The following ADAM22 variants were observed in gnomAD, a reference collection of about 807,000 sequenced individuals.
ADAM22 encodes the protein ADAM metallopeptidase domain 22.
Under a neutral mutation model 144.6 loss-of-function variants are expected in ADAM22, and 65 were observed. That is an observed-to-expected ratio of 0.45 (90% CI 0.37 to 0.55). ADAM22 has a LOEUF of 0.55. ADAM22 is among the 20% of genes least tolerant of loss of function. The pLI is 0.00. For synonymous variants in ADAM22, 391 were observed against 412.6 expected, an observed-to-expected ratio of 0.95 and a Z score of 0.63; for missense variants, 974 against 1,184.9, an observed-to-expected ratio of 0.82 and a Z score of 2.61.
At chr7:88,156,477 A>G (rs1839982561) in intron 22 of ADAM22, among the ~76,000 whole-genome samples, 2 of 152,170 alleles carry the variant, frequency 1.3e-5, no homozygotes, top group Non-Finnish European at 2.9e-5. Flanking sequence ...CACATGACTT[A>G]TCAAAGCTGA....
chr7:87,985,667 T>C (rs926527754), intron 3 of ADAM22, among the ~76,000 whole-genome samples: 3 of 152,204 alleles, frequency 2.0e-5, no homozygotes, highest in Admixed American at 1.3e-4. Context: ...TAAATATTAT[T>C]GCATTGTATT....
At chr7:88,087,878 A>G (rs1442909043) in intron 4 of ADAM22, among the ~76,000 whole-genome samples, 2 of 152,168 alleles carry the variant, frequency 1.3e-5, no homozygotes, top group African/African-American at 4.8e-5. Context: ...TTGACTGGTA[A>G]TTAACTGTTT....
intron 3 of ADAM22, among the ~76,000 whole-genome samples, chr7:88,061,377 C>G (rs1236902520): frequency 6.6e-6 from 1 of 151,968 alleles, no homozygotes; most frequent in African/African-American, 2.4e-5. Context: ...TTACTTTGCC[C>G]AGATCCATCA....
intron 2 of ADAM22, among the ~76,000 whole-genome samples, chr7:87,966,732 T>G (rs901998621): frequency 1.5e-5 from 2 of 130,228 alleles, no homozygotes; most frequent in South Asian, 2.6e-4. Flanking sequence ...TTTTTTTTTT[T>G]TTTTTTTTTT....
intron 7 of ADAM22, among the ~76,000 whole-genome samples, chr7:88,119,422 A>G (rs1828666874): frequency 6.6e-6 from 1 of 152,206 alleles, no homozygotes; most frequent in Admixed American, 6.5e-5. Flanking sequence ...TGTGAGGTTT[A>G]TGTTGTCAAG....
chr7:88,061,336 A>G (rs1809794954), intron 3 of ADAM22, among the ~76,000 whole-genome samples: 1 of 152,170 alleles, frequency 6.6e-6, no homozygotes, highest in Non-Finnish European at 1.5e-5. Flanking sequence ...GATGTTCTTA[A>G]TGGCATCTAG....
At chr7:88,049,836 G>T (rs1190342763) in intron 3 of ADAM22, among the ~76,000 whole-genome samples, 1 of 149,334 alleles carries the variant, frequency 6.7e-6, no homozygotes, top group Non-Finnish European at 1.5e-5. Context: ...TTTTTGGTCA[G>T]CAGATGTTAT....
chr7:88,037,720 T>C (rs1227016900), intron 3 of ADAM22, among the ~76,000 whole-genome samples: 3 of 152,282 alleles, frequency 2.0e-5, no homozygotes, highest in Admixed American at 1.3e-4. Context: ...ATCCTCACCA[T>C]CTTTCCCTTC....
At chr7:88,108,627 G>T (rs1482206450) in intron 5 of ADAM22, among the ~76,000 whole-genome samples, 1 of 152,010 alleles carries the variant, frequency 6.6e-6, no homozygotes, top group Non-Finnish European at 1.5e-5. Flanking sequence ...TACTCGGGAG[G>T]CTGAGGCAGG....
At chr7:88,058,359 T>G (rs1808846735) in intron 3 of ADAM22, among the ~76,000 whole-genome samples, 1 of 152,228 alleles carries the variant, frequency 6.6e-6, no homozygotes, top group Non-Finnish European at 1.5e-5. Context: ...TTTATTTTGT[T>G]TCACATCTAT....
chr7:88,060,261 G>A (rs938663426), intron 3 of ADAM22, among the ~76,000 whole-genome samples: 10 of 152,094 alleles, frequency 6.6e-5, no homozygotes, highest in African/African-American at 2.2e-4. Flanking sequence ...TAACAATTAA[G>A]TTTGCTGCAT....
rs966292793 is a variant in ADAM22 at position 87,934,522 on chromosome 7, C to T, written c.57C>T (p.Thr19=). 1.2e-6 allele frequency: 2 copies of T among 1,609,062 alleles called. No homozygotes were observed. Among genetic ancestry groups the T allele is most frequent in the African/African-American group, 1.3e-5 (1 of 74,962 alleles). Residue 19 remains threonine, a synonymous_variant, in exon 1 of 32, where the codon ACC becomes ACT. Coordinates refer to ENST00000413139, the MANE Select transcript of ADAM22 (RefSeq NM_001324418.2). ...TCTTGCTGCTCTGTGTCCTGGGGAC[C>T]TGCCCTCCGGCGCGCTGCGGCCAGG... ...VPFLLLCVLG[T]CPPARCGQAG...
At chr7:88,174,465 T>C (rs758531623) in intron 26 of ADAM22, among the ~76,000 whole-genome samples, 7 of 152,168 alleles carry the variant, frequency 4.6e-5, no homozygotes, top group Non-Finnish European at 8.8e-5. Context: ...TATCCTTTCA[T>C]TTAAAATATT....
chr7:88,132,933 A>T lies in ADAM22; in HGVS notation c.1059A>T (p.Lys353Asn). Residue 353 changes from lysine to asparagine, a missense_variant, in exon 12 of 32, where the codon AAA (lysine) becomes AAT (asparagine). Lys to Asn is a moderately conservative substitution (Grantham distance 94, BLOSUM62 0). Around this residue, in one of 2 missense-constraint regions of ADAM22, gnomAD observed 734 missense variants for 950.6 expected, o/e 0.77. Transcript: ENST00000413139. ...TTGGTGGGATTTGCTCGTTGCTGAA[A>T]GGAGGAGGCGTGAATGAAGTAGGTG... ...AYIGGICSLL[K>N]GGGVNEFGKT... 1 of 1,614,024 alleles carries T rather than the reference A, an allele frequency of 6.2e-7. No individual in the cohort carries two copies. The highest frequency in any genetic ancestry group is 8.5e-7 in the Non-Finnish European group (1 of 1,179,928).
chr7:87,955,386 T>C (rs1421321029), intron 2 of ADAM22, among the ~76,000 whole-genome samples: 1 of 152,214 alleles, frequency 6.6e-6, no homozygotes, highest in Non-Finnish European at 1.5e-5. Flanking sequence ...TGTTGGAGTT[T>C]GCTAGAGGTC....
chr7:88,052,788 G>A (rs1806869161), intron 3 of ADAM22, among the ~76,000 whole-genome samples: 1 of 152,122 alleles, frequency 6.6e-6, no homozygotes, highest in Admixed American at 6.5e-5. Context: ...TATCCTGTTT[G>A]CCTTAAATTC....
At chr7:88,086,212 C>A (rs1818422650) in intron 4 of ADAM22, among the ~76,000 whole-genome samples, 1 of 152,128 alleles carries the variant, frequency 6.6e-6, no homozygotes, top group Non-Finnish European at 1.5e-5. Context: ...TAAAAATTAT[C>A]TTTCTCTTTT....
chr7:88,140,728 C>T (rs1041339489), intron 14 of ADAM22, among the ~76,000 whole-genome samples: 8 of 152,072 alleles, frequency 5.3e-5, no homozygotes, highest in Non-Finnish European at 8.8e-5. Context: ...CCCAGCTACT[C>T]GGGAGGCTGA....
intron 5 of ADAM22, among the ~76,000 whole-genome samples, chr7:88,110,181 G>A (rs1825629718): frequency 6.6e-6 from 1 of 152,170 alleles, no homozygotes; most frequent in African/African-American, 2.4e-5. Context: ...ATATCAGACA[G>A]TCTCTGTTTT....
Sources: allele counts gnomAD v4.1 joint callset (sites outside exome capture counted in the v4.1 genomes callset), GRCh38; gene constraint gnomAD v4.1.1; regional missense constraint gnomAD v4.1.1; transcripts MANE v1.5; gene names NCBI Gene and HGNC (gene_info 2026-07-23, HGNC 2026-07-21).